Variants in SRSF4 observed in about 807,000 individuals in gnomAD.
SRSF4 encodes the protein serine and arginine rich splicing factor 4, also known as serine/arginine-rich splicing factor 4.
A neutral mutation model predicts 48.8 loss-of-function variants in SRSF4; 12 were observed. That is an observed-to-expected ratio of 0.25 (90% CI 0.16 to 0.40). The LOEUF (loss-of-function observed/expected upper bound fraction) is 0.40. SRSF4 is among the 10% of genes least tolerant of loss of function. The pLI, the probability that SRSF4 is intolerant of heterozygous loss-of-function variation, is 1.00. For missense variants in SRSF4, 466 were observed against 667.1 expected (o/e 0.70, Z 3.32); for synonymous variants, 248 against 232.5 (o/e 1.07, Z -0.61).
rs1478718599 is a variant in SRSF4 at position 29,168,022 on chromosome 1, T to TG, written c.108-7506_108-7505insC. Reference sequence around the variant, plus strand: ...ACAAGGTTCTAATTCCTTTTTTTTTTTTTTTTTAAAAAAAACATAGTCTCG... The same window carrying TG: ...ACAAGGTTCTAATTCCTTTTTTTTTTGTTTTTTTAAAAAAAACATAGTCTCG... On this transcript the variant is annotated intron_variant, in intron 1 of 5. Transcript: ENST00000373795. 2.2e-5 allele frequency among the ~76,000 whole-genome samples: 3 copies of TG among 135,546 alleles called. No individual in the cohort carries two copies. The Admixed American group carries it at 2.2e-4, about 10-fold the overall frequency. 88.9% of individuals were successfully genotyped at this position (135,546 alleles called of 152,430 possible).
In SRSF4 at chr1:29,159,368, C is replaced by A. The variant is rs1672558221; in HGVS notation, c.363+6G>T. 1.2e-6 allele frequency: 2 copies of A among 1,609,294 alleles called. No individual in the cohort carries two copies. Among genetic ancestry groups the A allele is most frequent in the Non-Finnish European group, 1.7e-6 (2 of 1,176,050 alleles). On this transcript the variant is annotated splice_donor_region_variant and intron_variant, in intron 3 of 5. Coordinates refer to ENST00000373795, the MANE Select transcript of SRSF4 (RefSeq NM_005626.5). ...CCTTACCCCAAAAGGTTAATGGGGC[C>A]CAAACCTTTAGGTCTTGCCAGCTGC...
In SRSF4 at chr1:29,154,824, A is replaced by G. The variant is rs752316727; in HGVS notation, c.450T>C (p.Tyr150=). ...TTTCCAAAGCTCTTTTCATATCAGA[A>G]TAAGATACAAATTCAATCACCCCTT... The part of the protein sequence containing the change: ...KNEGVIEFVS[Y]SDMKRALEKL... The change falls in exon 4 of 6, where the codon TAT becomes TAC. Residue 150 remains tyrosine (Y), a synonymous_variant. Coordinates refer to ENST00000373795, the MANE Select transcript of SRSF4 (RefSeq NM_005626.5). 4 of 1,614,092 alleles carry G rather than the reference A, an allele frequency of 2.5e-6. No homozygotes were observed. Among genetic ancestry groups the G allele is most frequent in the Non-Finnish European group, 3.4e-6 (4 of 1,180,040 alleles).
intron 2 of SRSF4, 176 bp downstream of exon 2, chr1:29,160,199 T>G: frequency 1.5e-6 from 1 of 680,876 alleles, no homozygotes; most frequent in Non-Finnish European, 2.3e-6. Flanking sequence ...TTAGTTTAAT[T>G]AAAATTAAAC....
chr1:29,153,207 C>A (rs1672441909), intron 4 of SRSF4, among the ~76,000 whole-genome samples: 1 of 152,180 alleles, frequency 6.6e-6, no homozygotes, highest in Non-Finnish European at 1.5e-5. Context: ...TCTCTGCTCA[C>A]TGCAACCCCT....
At chr1:29,159,282 A>AT in intron 3 of SRSF4, 92 bp downstream of exon 3, 4 of 784,068 alleles carry the variant, frequency 5.1e-6, no homozygotes, top group Non-Finnish European at 2.2e-6. Flanking sequence ...ATAACACTGT[A>AT]TTTTGTGTAT....
At chr1:29,170,447 C>T (rs1672730688) in intron 1 of SRSF4, 1 of 152,184 alleles carries the variant, frequency 6.6e-6, no homozygotes, top group Admixed American at 6.5e-5. Context: ...AATGAGCAGG[C>T]TGCCAGGTGT....
At chr1:29,161,418 A>G (rs548386382) in intron 1 of SRSF4, among the ~76,000 whole-genome samples, 3 of 152,338 alleles carry the variant, frequency 2.0e-5, no homozygotes, top group Admixed American at 6.5e-5. Flanking sequence ...CTTATTGATC[A>G]TAACTAATCA....
chr1:29,153,299 G>A (rs1391769163), intron 4 of SRSF4, among the ~76,000 whole-genome samples: 2 of 151,306 alleles, frequency 1.3e-5, no homozygotes, highest in Non-Finnish European at 3.0e-5. Context: ...CATCATGCCT[G>A]GCTAATTTTT....
At chr1:29,156,054 C>G (rs186432617) in intron 3 of SRSF4, among the ~76,000 whole-genome samples, 138 of 152,198 alleles carry the variant, frequency 9.1e-4, no homozygotes, top group Non-Finnish European at 1.5e-3. Flanking sequence ...CAAAACAGAA[C>G]AAAAAGAAAT....
intron 4 of SRSF4, among the ~76,000 whole-genome samples, chr1:29,153,400 A>C (rs1672446077): frequency 6.6e-6 from 1 of 152,016 alleles, no homozygotes; most frequent in South Asian, 2.1e-4. Context: ...CACTCGCCTC[A>C]GCCTCCCAAA....
chr1:29,148,150 G>T lies in SRSF4; in HGVS notation c.*260C>A. 1.6e-6 allele frequency: 1 copy of T among 619,596 alleles called. No individual in the cohort carries two copies. The allele number at this position is 619,596 out of a possible 1,614,324, so 38.4% of individuals were successfully genotyped here. A position where few individuals can be genotyped will look rare whatever the true frequency, so the allele number is the denominator to read the frequency against. On this transcript the variant is annotated 3_prime_UTR_variant, in exon 6 of 6. Coordinates refer to ENST00000373795, the MANE Select transcript of SRSF4 (RefSeq NM_005626.5). ...CCTGTAGGAAAGGCCAGGCCTGAAA[G>T]CCAAGGCGTTTTGGATATTCTACTG...
chr1:29,171,437 A>C (rs966554898), intron 1 of SRSF4: 3 of 148,430 alleles, frequency 2.0e-5, no homozygotes, highest in African/African-American at 7.5e-5. Flanking sequence ...AAAATCTTCT[A>C]TTTCCGGAGT....
chr1:29,155,954 G>A (rs561956344), intron 3 of SRSF4, among the ~76,000 whole-genome samples: 4 of 152,262 alleles, frequency 2.6e-5, no homozygotes, highest in African/African-American at 9.6e-5. Flanking sequence ...TAAATAAGAG[G>A]AGATATGATT....
At position 29,159,496 on chromosome 1, in the gene SRSF4, G is replaced by A. The variant is rs1343319392; in HGVS notation, c.251-10C>T. The A allele has an allele frequency of 2.3e-5, 36 of 1,595,172 alleles. No individual in the cohort carries two copies. The highest frequency in any genetic ancestry group is 3.1e-5 in the Non-Finnish European group (36 of 1,164,844). Reference sequence around the variant, plus strand: ...CTATAACCATATCCACCTTTGGAAGGTTCAAATAAATAAGATTATTTCAGT... The same window carrying A: ...CTATAACCATATCCACCTTTGGAAGATTCAAATAAATAAGATTATTTCAGT... On this transcript the variant is annotated splice_polypyrimidine_tract_variant and intron_variant, in intron 2 of 5. Coordinates refer to ENST00000373795, the MANE Select transcript of SRSF4 (RefSeq NM_005626.5).
chr1:29,151,492 G>A (rs757234896), intron 4 of SRSF4, among the ~76,000 whole-genome samples: 5 of 152,040 alleles, frequency 3.3e-5, no homozygotes, highest in East Asian at 1.9e-4. Flanking sequence ...GCAAGAGTCC[G>A]TCTCAAACAA....
intron 1 of SRSF4, among the ~76,000 whole-genome samples, chr1:29,180,353 GAGT>G (rs1012941996): frequency 3.3e-5 from 5 of 152,148 alleles, no homozygotes; most frequent in African/African-American, 1.2e-4. Flanking sequence ...TGTAGAAAAG[GAGT>G]AGTTTTTAAA....
chr1:29,174,129 C>T (rs1472342710), intron 1 of SRSF4, among the ~76,000 whole-genome samples: 2 of 150,032 alleles, frequency 1.3e-5, no homozygotes, highest in South Asian at 2.1e-4. Context: ...GCAGAGGTTG[C>T]AGTGAGCTGA....
In SRSF4 at chr1:29,154,921, A is replaced by C; in HGVS notation, c.364-11T>G. 6.2e-7 allele frequency: 1 copy of C among 1,604,838 alleles called. No homozygotes were observed. The highest frequency in any genetic ancestry group is 8.5e-7 in the Non-Finnish European group (1 of 1,177,116). ...CTGACGCATATAATCCTGAAGAAAAAAAAAAGTGTGACTACATTAGGATAT... is the reference window on the plus strand; with the variant it reads ...CTGACGCATATAATCCTGAAGAAAACAAAAAGTGTGACTACATTAGGATAT... On this transcript the variant is annotated splice_polypyrimidine_tract_variant and intron_variant, in intron 3 of 5. Coordinates refer to ENST00000373795, the MANE Select transcript of SRSF4 (RefSeq NM_005626.5).
Position 29,181,859 on chromosome 1 carries a change from G to T in SRSF4, c.-107C>A, listed in dbSNP as rs1001223329. Reference sequence around the variant, plus strand: ...GCGGCGGCGGCAACGGGCGGGCGGCGGGACGGACGCAGCCGAACCCCGGCG... The same window carrying T: ...GCGGCGGCGGCAACGGGCGGGCGGCTGGACGGACGCAGCCGAACCCCGGCG... On this transcript the variant is annotated 5_prime_UTR_variant, in exon 1 of 6. Coordinates refer to ENST00000373795, the MANE Select transcript of SRSF4 (RefSeq NM_005626.5). 3 of 929,090 alleles carry T rather than the reference G, an allele frequency of 3.2e-6. No homozygotes were observed. The highest frequency in any genetic ancestry group is 3.4e-5 in the East Asian group (1 of 29,214). 57.6% of individuals were successfully genotyped at this position (929,090 alleles called of 1,614,324 possible). A position where few individuals can be genotyped will look rare whatever the true frequency, so the allele number is the denominator to read the frequency against.
Sources: gnomAD v4.1 joint callset for allele counts (sites outside exome capture counted in the v4.1 genomes callset) on GRCh38, gnomAD v4.1.1 for gene constraint, MANE v1.5 for transcripts, NCBI Gene and HGNC (gene_info 2026-07-23, HGNC 2026-07-21) for gene names.